TACC2: variants seen among roughly 807,000 people sequenced by gnomAD.
The protein encoded by TACC2 is transforming acidic coiled-coil-containing protein 2.
In TACC2, 137 loss-of-function variants were observed where a neutral mutation model predicts 227.3. The observed-to-expected ratio is 0.60, with a 90% CI of 0.52 to 0.69. The LOEUF (loss-of-function observed/expected upper bound fraction) is 0.69, where lower values mean the gene tolerates loss of function less well. Among genes scored for constraint, TACC2 ranks in the 30% least tolerant of loss-of-function variants. TACC2 has a pLI of 0.00. For synonymous variants in TACC2, 1,523 were observed against 1,487.5 expected (o/e 1.02, Z -0.55); for missense variants, 3,470 against 3,694.4 (o/e 0.94, Z 1.57).
chr10:122,221,020 C>T (rs1371848454), intron 11 of TACC2, among the ~76,000 whole-genome samples: 1 of 152,206 alleles, frequency 6.6e-6, no homozygotes, highest in South Asian at 2.1e-4. Context: ...TGTTGACCTA[C>T]TCACACTTTC....
At chr10:122,093,654 T>G (rs2081068894) in intron 5 of TACC2, among the ~76,000 whole-genome samples, 1 of 152,202 alleles carries the variant, frequency 6.6e-6, no homozygotes, top group Non-Finnish European at 1.5e-5. Context: ...GGCCTCTTAT[T>G]GGCTTCGTTA....
intron 7 of TACC2, among the ~76,000 whole-genome samples, chr10:122,165,559 A>G (rs969017516): frequency 6.6e-6 from 1 of 152,166 alleles, no homozygotes; most frequent in African/African-American, 2.4e-5. Context: ...CTTTTTGGAT[A>G]AGGTCCCTTA....
At chr10:122,247,169 G>T (rs2096141851) in intron 19 of TACC2, 2 of 152,388 alleles carry the variant, frequency 1.3e-5, no homozygotes, top group African/African-American at 4.8e-5. Flanking sequence ...AGGAAGCTCA[G>T]TCTGGCTGCT....
chr10:122,126,316 CTG>C (rs3037067), intron 5 of TACC2, among the ~76,000 whole-genome samples: 9,880 of 142,080 alleles, frequency 0.07, 452 homozygotes, highest in African/African-American at 0.13. Context: ...TAATCCAGAA[CTG>C]TGTGTGTGTG....
intron 1 of TACC2, among the ~76,000 whole-genome samples, chr10:122,017,532 T>G (rs1956812735): frequency 6.6e-6 from 1 of 152,128 alleles, no homozygotes; most frequent in African/African-American, 2.4e-5. Flanking sequence ...AAAATTCTTC[T>G]GTGGCCAGGC....
intron 1 of TACC2, among the ~76,000 whole-genome samples, chr10:122,005,429 G>A (rs1004475539): frequency 1.4e-5 from 2 of 145,020 alleles, no homozygotes; most frequent in African/African-American, 2.5e-5. Flanking sequence ...CGCCCAGGCT[G>A]GATGGAGTGC....
chr10:122,054,187 A>C (rs890088931), intron 3 of TACC2, among the ~76,000 whole-genome samples: 4 of 152,182 alleles, frequency 2.6e-5, no homozygotes, highest in African/African-American at 9.7e-5. Context: ...GGGTCCCATC[A>C]ATTCGACTGT....
intron 5 of TACC2, among the ~76,000 whole-genome samples, chr10:122,091,303 A>T (rs1243135470): frequency 6.6e-6 from 1 of 152,204 alleles, no homozygotes; most frequent in Non-Finnish European, 1.5e-5. Flanking sequence ...AATGTTAATT[A>T]TATGCAAAAT....
At chr10:122,012,380 A>ACTGCACT (rs1176534172) in intron 1 of TACC2, among the ~76,000 whole-genome samples, 1 of 138,592 alleles carries the variant, frequency 7.2e-6, no homozygotes, top group Non-Finnish European at 1.5e-5. Context: ...AGATCACGCC[A>ACTGCACT]CTGCACTCCA....
intron 5 of TACC2, among the ~76,000 whole-genome samples, chr10:122,108,442 C>CTTTTTTTT (rs34097153): frequency 4.4e-4 from 40 of 90,028 alleles, no homozygotes; most frequent in African/African-American, 8.1e-4. Context: ...GTCATATTTT[C>CTTTTTTTT]TTTTTTTTTT....
At chr10:122,224,839 G>T in intron 12 of TACC2, 52 bp downstream of exon 12, 3 of 1,468,130 alleles carry the variant, frequency 2.0e-6, no homozygotes, top group Non-Finnish European at 2.9e-6. Context: ...CTGCCTTCAG[G>T]GGCCTCCTCC....
Position 122,006,383 on chromosome 10 carries a change from A to G in TACC2, c.-45-15554A>G, listed in dbSNP as rs1383570687. Among the ~76,000 whole-genome samples, 5 of 152,162 alleles carry G rather than the reference A, an allele frequency of 3.3e-5. No individual in the cohort carries two copies. The East Asian group carries it at 7.7e-4, about 23-fold the overall frequency. On this transcript the variant is annotated intron_variant, in intron 1 of 22. Coordinates refer to ENST00000369005, the MANE Select transcript of TACC2 (RefSeq NM_206862.4). ...AGAATGGTGTGAACCTGGGAGGCAG[A>G]GCTTGCAGTGAGCCGAGATTGCGCC...
intron 3 of TACC2, among the ~76,000 whole-genome samples, chr10:122,068,269 A>G: frequency 6.6e-6 from 1 of 152,188 alleles, no homozygotes; most frequent in East Asian, 1.9e-4. Context: ...CTGGAAAAAA[A>G]GTCTTTTTAT....
At chr10:122,251,663 A>G (rs1180641697) in intron 22 of TACC2, among the ~76,000 whole-genome samples, 1 of 152,218 alleles carries the variant, frequency 6.6e-6, no homozygotes, top group Non-Finnish European at 1.5e-5. Flanking sequence ...TTGTGCCTGT[A>G]AGTAGCCAGC....
In TACC2 at chr10:122,215,237, G is replaced by A. The variant is rs1041813369; in HGVS notation, c.7284-154G>A. ...TGTTAAAAAGTGAGAGTGGGTAGCCGGCGTGGCCTCTCGCTGGTGCTGGAG... is the reference window on the plus strand; with the variant it reads ...TGTTAAAAAGTGAGAGTGGGTAGCCAGCGTGGCCTCTCGCTGGTGCTGGAG... On this transcript the variant is annotated intron_variant, in intron 9 of 22. Coordinates refer to ENST00000369005, the MANE Select transcript of TACC2 (RefSeq NM_206862.4). Among the ~76,000 whole-genome samples the A allele has an allele frequency of 5.6e-4, 85 of 152,126 alleles. 1 individual carries two copies. Among genetic ancestry groups the A allele is most frequent in the Non-Finnish European group, 1.6e-4 (11 of 68,022 alleles).
rs1952940978 is a variant in TACC2 at position 121,989,394 on chromosome 10, T to C, written c.-140T>C. On this transcript the variant is annotated 5_prime_UTR_variant, in exon 1 of 23. Coordinates refer to ENST00000369005, the MANE Select transcript of TACC2 (RefSeq NM_206862.4). ...GTTATCTTGGTTTCTTACTCTACCTTATGCCCCTTGGGCGAATTTTTTCCT... is the reference window on the plus strand; with the variant it reads ...GTTATCTTGGTTTCTTACTCTACCTCATGCCCCTTGGGCGAATTTTTTCCT... 6.6e-6 allele frequency: 1 copy of C among 152,276 alleles called. No homozygotes were observed. Among genetic ancestry groups the C allele is most frequent in the African/African-American group, 2.4e-5 (1 of 41,476 alleles). 9.4% of individuals were successfully genotyped at this position (152,276 alleles called of 1,614,324 possible). A position where few individuals can be genotyped will look rare whatever the true frequency, so the allele number is the denominator to read the frequency against.
chr10:122,211,742 G>A lies in TACC2; in HGVS notation c.7283+34G>A, dbSNP rs920066740. The A allele has an allele frequency of 3.3e-6, 5 of 1,514,548 alleles. No homozygotes were observed. In the African/African-American group the frequency reaches 5.6e-5, roughly 17 times the overall value. The allele number at this position is 1,514,548 out of a possible 1,614,324, so 93.8% of individuals were successfully genotyped here. On this transcript the variant is annotated intron_variant, in intron 9 of 22. Coordinates refer to ENST00000369005, the MANE Select transcript of TACC2 (RefSeq NM_206862.4). ...AGGGGTGGAGGTGGTAAGGATCAGA[G>A]GCGGGGGTGCGCATTGGCTGTGACC...
chr10:122,248,863 C>G, intron 20 of TACC2, 60 bp downstream of exon 20: 1 of 1,600,588 alleles, frequency 6.2e-7, no homozygotes. Flanking sequence ...ATTGTGGGAG[C>G]ACTGGGAGGG....
At chr10:122,001,754 A>G (rs1590898789) in intron 1 of TACC2, among the ~76,000 whole-genome samples, 1 of 152,170 alleles carries the variant, frequency 6.6e-6, no homozygotes, top group East Asian at 1.9e-4. Context: ...CTCTCAAGGC[A>G]CTTTTCCATT....
Sources: gnomAD v4.1 joint callset for allele counts (sites outside exome capture counted in the v4.1 genomes callset) on GRCh38, gnomAD v4.1.1 for gene constraint, MANE v1.5 for transcripts, NCBI Gene and HGNC (gene_info 2026-07-23, HGNC 2026-07-21) for gene names.